KRI1: variants seen among roughly 807,000 people sequenced by gnomAD.
KRI1 encodes the protein KRI1 homolog.
KRI1 carries 83 observed loss-of-function variants against 97.0 expected under a neutral mutation model. That is an observed-to-expected ratio of 0.86 (90% confidence interval 0.72 to 1.03). The LOEUF (loss-of-function observed/expected upper bound fraction) is 1.03. Ranked by LOEUF, KRI1 falls within the 50% of genes least tolerant of loss-of-function variation. The probability of loss-of-function intolerance (pLI) is 0.00; values close to 1 mark genes in which losing one functional copy is unlikely to be tolerated. For synonymous variants in KRI1, 371 were observed against 363.5 expected (o/e 1.02, Z -0.23); for missense variants, 916 against 928.4 (o/e 0.99, Z 0.17).
At chr19:10,564,154 A>C (rs1223377374) in intron 3 of KRI1, among the ~76,000 whole-genome samples, 1 of 149,954 alleles carries the variant, frequency 6.7e-6, no homozygotes, top group Non-Finnish European at 1.5e-5. Context: ...CTCAAAAAAA[A>C]AAAAAGAAAA....
chr19:10,556,249 C>T (rs888325456), intron 16 of KRI1, among the ~76,000 whole-genome samples: 1 of 152,180 alleles, frequency 6.6e-6, no homozygotes, highest in Non-Finnish European at 1.5e-5. Context: ...CTCAGAACTA[C>T]TGGGCTCAAG....
In KRI1 at chr19:10,553,985, C is replaced by T. The variant is rs34495400; in HGVS notation, c.2078G>A (p.Arg693Gln). The part of the protein sequence containing the change: ...RLHFRQLGRQ[R>Q]RKQQGPKNSS Reference sequence around the variant, plus strand: ...GTTCTTGGGCCCCTGTTGTTTCCTCCGCTGCCGGCCCAGCTGGCGGAAGTG... The same window carrying T: ...GTTCTTGGGCCCCTGTTGTTTCCTCTGCTGCCGGCCCAGCTGGCGGAAGTG... The change falls in exon 19 of 19, where the codon CGG (arginine) becomes CAG (glutamine). Residue 693 changes from arginine (R) to glutamine (Q), a missense_variant. Physicochemically the swap from Arg to Gln is conservative, Grantham distance 43. This residue lies in a region of KRI1 where 672 missense variants were observed against 667.2 expected (regional missense o/e 1.01). Transcript: ENST00000312962. The T allele has an allele frequency of 0.013, 21,526 of 1,611,274 alleles. 181 individuals carry two copies. The highest frequency in any genetic ancestry group is 0.016 in the Non-Finnish European group (18,582 of 1,178,472).
chr19:10,562,570 C>T (rs1012874534), intron 4 of KRI1, among the ~76,000 whole-genome samples, 159 bp downstream of exon 4: 7 of 151,312 alleles, frequency 4.6e-5, no homozygotes, highest in Admixed American at 1.3e-4. Context: ...TGTCCTCAAG[C>T]GATCCTATTG....
Position 10,554,149 on chromosome 19 carries a change from T to C in KRI1, c.1914A>G (p.Val638=). The stretch of plus-strand genomic sequence containing the variant: ...GGGGGGCTGGCTTCTTGTGGGGTGA[T>C]ACAGGGGCTTCCTCTTCCTGTGCTG... The part of the protein sequence containing the change: ...SPPAQEEEAP[V]SPHKKPAPQK... The change falls in exon 19 of 19, where the codon GTA becomes GTG. Residue 638 remains valine (V), a synonymous_variant. Coordinates refer to ENST00000312962, the MANE Select transcript of KRI1 (RefSeq NM_023008.5). 6.2e-7 allele frequency: 1 copy of C among 1,614,072 alleles called. No individual in the cohort carries two copies. The highest frequency in any genetic ancestry group is 8.5e-7 in the Non-Finnish European group (1 of 1,180,012).
Position 10,565,949 on chromosome 19 carries a change from G to A in KRI1, c.51C>T (p.Ala17=). 2.6e-6 allele frequency: 4 copies of A among 1,529,894 alleles called. No homozygotes were observed. The highest frequency in any genetic ancestry group is 2.0e-5 in the Admixed American group (1 of 49,826). The allele number at this position is 1,529,894 out of a possible 1,614,324, so 94.8% of individuals were successfully genotyped here. A position where few individuals can be genotyped will look rare whatever the true frequency, so the allele number is the denominator to read the frequency against. ...GCTCCCGGTAGCGGTTGTACCGCGC[G>A]GCAAACGCCGCGTTCACCCGCAGCT... The part of the protein sequence containing the change: ...SSQLRVNAAF[A]ARYNRYRERE... Residue 17 remains alanine (A), a synonymous_variant, in exon 1 of 19, where the codon GCC becomes GCT. Transcript: ENST00000312962.
At chr19:10,563,410 G>GT (rs72530529) in intron 3 of KRI1, among the ~76,000 whole-genome samples, 1 of 78,122 alleles carries the variant, frequency 1.3e-5, no homozygotes, top group African/African-American at 3.8e-5. Context: ...TGCATGGCGT[G>GT]ACTTGGCTTA....
rs749325984 is a variant in KRI1, at chr19:10,561,237, C to G, written c.517G>C (p.Asp173His). ...SFRAFVEDSE[D>H]EDGAGEGGSS... The stretch of plus-strand genomic sequence containing the variant: ...CCGCCCTCCCCAGCGCCGTCCTCGT[C>G]CTCACTGTCCTCCACAAATGCCCGG... The change falls in exon 7 of 19, where the codon GAC becomes CAC. Residue 173 changes from aspartate to histidine, a missense_variant. Physicochemically the swap from Asp to His is moderately conservative, Grantham distance 81. This residue lies in a region of KRI1 where 71 missense variants were observed against 108.1 expected (regional missense o/e 0.66). Coordinates refer to ENST00000312962, the MANE Select transcript of KRI1 (RefSeq NM_023008.5). The G allele has an allele frequency of 6.2e-7, 1 of 1,614,138 alleles. No individual in the cohort carries two copies. Among genetic ancestry groups the G allele is most frequent in the Non-Finnish European group, 8.5e-7 (1 of 1,180,032 alleles).
At chr19:10,561,344 G>A in intron 6 of KRI1, 79 bp from the exon 7 acceptor site, 1 of 1,321,796 alleles carries the variant, frequency 7.6e-7, no homozygotes, top group African/African-American at 1.5e-5. Context: ...TTATTTTGTA[G>A]AGCTGGGGTC....
At position 10,565,728 on chromosome 19, in the gene KRI1, C is replaced by A; in HGVS notation, c.157G>T (p.Asp53Tyr). 1 of 1,571,228 alleles carries A rather than the reference C, an allele frequency of 6.4e-7. No homozygotes were observed. The highest frequency in any genetic ancestry group is 1.8e-5 in the Admixed American group (1 of 55,074). The change falls in exon 2 of 19, where the codon GAC (aspartate) becomes TAC (tyrosine). Residue 53 changes from aspartate to tyrosine, a missense_variant. Transcript: ENST00000312962. The part of the protein sequence containing the change: ...SDSSSESDSS[D>Y]ERVEFDPQQE... ...GCGGGGACGCGCACCACGCGCTCGT[C>A]GCTTGAGTCCGACTCGGAGCTGGAG... is the stretch of plus-strand genomic sequence containing the variant.
chr19:10,557,673 G>A lies in KRI1; in HGVS notation c.1496C>T (p.Thr499Met), dbSNP rs776682807. 88 of 1,614,052 alleles carry A rather than the reference G, an allele frequency of 5.5e-5. No individual in the cohort carries two copies. The highest frequency in any genetic ancestry group is 2.2e-4 in the Admixed American group (13 of 60,004). ...EKPVFEPGDK[T>M]FEEYLDEYYR... The stretch of plus-strand genomic sequence containing the variant: ...ATACTCATCCAGGTACTCCTCGAAC[G>A]TCTTGTCCCCTGCTCGAGACAGAGC... The change falls in exon 16 of 19, where the codon ACG (threonine) becomes ATG (methionine). Residue 499 changes from threonine to methionine, a missense_variant. By Grantham distance (81) the Thr-to-Met change is moderately conservative. Coordinates refer to ENST00000312962, the MANE Select transcript of KRI1 (RefSeq NM_023008.5).
rs920844662 is a variant in KRI1, at chr19:10,557,579, G to A, written c.1590C>T (p.Pro530=). The A allele has an allele frequency of 2.5e-6, 4 of 1,614,012 alleles. No individual in the cohort carries two copies. The highest frequency in any genetic ancestry group is 3.4e-6 in the Non-Finnish European group (4 of 1,180,004). ...CCTCAGTGCTGAGGCCAAAGTCACA[G>A]GGCACCACTGTGCGGTACTTGAAGC... The part of the protein sequence containing the change: ...PCRFKYRTVV[P]CDFGLSTEEI... The change falls in exon 16 of 19, where the codon CCC becomes CCT. Residue 530 remains proline, a synonymous_variant. Transcript: ENST00000312962.
Position 10,559,581 on chromosome 19 carries a change from G to C in KRI1, c.1023+32C>G, listed in dbSNP as rs996962880. 3.1e-6 allele frequency: 5 copies of C among 1,613,696 alleles called. No individual in the cohort carries two copies. The South Asian group carries it at 3.3e-5, about 11-fold the overall frequency. Reference sequence around the variant, plus strand: ...GGCATGGGCTTTCCTCCAGGGCTGGGGGGTCCTCCCCAGCTCACCCCCCAC... The same window carrying C: ...GGCATGGGCTTTCCTCCAGGGCTGGCGGGTCCTCCCCAGCTCACCCCCCAC... On this transcript the variant is annotated intron_variant, in intron 11 of 18. Coordinates refer to ENST00000312962, the MANE Select transcript of KRI1 (RefSeq NM_023008.5).
chr19:10,565,562 G>T, intron 2 of KRI1, 155 bp downstream of exon 2: 1 of 945,068 alleles, frequency 1.1e-6, no homozygotes, highest in East Asian at 2.9e-5. Flanking sequence ...GGAGAGGGGG[G>T]GCACTGTCTG....
chr19:10,561,371 G>A (rs1916692353), intron 6 of KRI1, 106 bp from the exon 7 acceptor site: 1 of 1,083,676 alleles, frequency 9.2e-7, no homozygotes, highest in Non-Finnish European at 1.4e-6. Context: ...TGTTGCCCAG[G>A]CTGATCTTGA....
Position 10,553,575 on chromosome 19 carries a change from A to ATT in KRI1, c.*374_*375dup, listed in dbSNP as rs147653121. On this transcript the variant is annotated 3_prime_UTR_variant, in exon 19 of 19. Transcript: ENST00000312962. ...TACCCACAGCTACACGTGTTTTTTA[A>ATT]TTTTTTTTTTTTTTTCAAGAGACAG... The ATT allele has an allele frequency of 1.4e-3, 212 of 147,130 alleles. No homozygotes were observed. Among genetic ancestry groups the ATT allele is most frequent in the East Asian group, 4.1e-3 (20 of 4,840 alleles). 9.1% of individuals were successfully genotyped at this position (147,130 alleles called of 1,614,324 possible).
chr19:10,557,406 C>A, intron 16 of KRI1, 146 bp downstream of exon 16: 1 of 972,934 alleles, frequency 1.0e-6, no homozygotes, highest in Non-Finnish European at 1.5e-6. Flanking sequence ...TGCGCCCAAC[C>A]GAATATTATC....
rs997222674 is a variant in KRI1 at position 10,560,445 on chromosome 19, G to A, written c.667C>T (p.His223Tyr). 3.1e-6 allele frequency: 5 copies of A among 1,606,782 alleles called. No individual in the cohort carries two copies. The African/African-American group carries it at 6.7e-5, about 22-fold the overall frequency. The change falls in exon 9 of 19, where the codon CAT (histidine) becomes TAT (tyrosine). Residue 223 changes from histidine (H) to tyrosine (Y), a missense_variant. By Grantham distance (83) the His-to-Tyr change is moderately conservative. Coordinates refer to ENST00000312962, the MANE Select transcript of KRI1 (RefSeq NM_023008.5). ...RNPDSLKELT[H>Y]LKEYWNDPEL... is the part of the protein sequence containing the mutation. The stretch of plus-strand genomic sequence containing the variant: ...GGGTCGTTCCAGTATTCCTTGAGAT[G>A]CGTCTGGGGGTGACAGGAGACAGGA...
rs945031612 is a variant in KRI1 at position 10,559,477 on chromosome 19, T to C, written c.1076A>G (p.Lys359Arg). The C allele has an allele frequency of 5.0e-6, 8 of 1,613,940 alleles. No homozygotes were observed. In the African/African-American group the frequency reaches 9.3e-5, roughly 19 times the overall value. Residue 359 changes from lysine (K) to arginine (R), a missense_variant, in exon 12 of 19, where the codon AAG (lysine) becomes AGG (arginine). This residue lies in a region of KRI1 where 672 missense variants were observed against 667.2 expected (regional missense o/e 1.01). Coordinates refer to ENST00000312962, the MANE Select transcript of KRI1 (RefSeq NM_023008.5). ...ELKQLKNLKR[K>R]EILAKLEKLR... Reference sequence around the variant, plus strand: ...CTTCTCCAGCTTGGCCAGAATCTCCTTCCTCTTCAGGTTCTTCAGCTGCTT... The same window carrying C: ...CTTCTCCAGCTTGGCCAGAATCTCCCTCCTCTTCAGGTTCTTCAGCTGCTT...
chr19:10,560,508 G>C, intron 8 of KRI1, 60 bp from the exon 9 acceptor site: 1 of 1,287,836 alleles, frequency 7.8e-7, no homozygotes, highest in Non-Finnish European at 1.1e-6. Flanking sequence ...GGGCAGGCAT[G>C]CTCACCACAT....
Sources: allele counts gnomAD v4.1 joint callset (sites outside exome capture counted in the v4.1 genomes callset), GRCh38; gene constraint gnomAD v4.1.1; regional missense constraint gnomAD v4.1.1; transcripts MANE v1.5; gene names NCBI Gene and HGNC (gene_info 2026-07-23, HGNC 2026-07-21).